Variants in NEBL observed in about 807,000 individuals in gnomAD.
The protein encoded by NEBL is nebulette, also known as LIM and SH3 protein 2.
Under a neutral mutation model 140.2 loss-of-function variants are expected in NEBL, and 122 were observed. The ratio of observed to expected loss-of-function variants is 0.87; its 90% CI spans 0.75 to 1.01. NEBL has a LOEUF of 1.01. NEBL is among the 50% of genes least tolerant of loss of function. The probability of loss-of-function intolerance (pLI) is 0.00; values close to 1 mark genes in which losing one functional copy is unlikely to be tolerated. For synonymous variants in NEBL, 436 were observed against 398.9 expected (o/e 1.09, Z -1.11); for missense variants, 1,365 against 1,231.3 (o/e 1.11, Z -1.62).
intron 4 of NEBL, among the ~76,000 whole-genome samples, chr10:20,924,419 A>G: frequency 6.7e-6 from 1 of 148,338 alleles, no homozygotes; most frequent in East Asian, 1.9e-4. Context: ...GAAGTAAAAA[A>G]AAAAAAAAAA....
chr10:20,799,768 T>C (rs1295141910), intron 26 of NEBL, among the ~76,000 whole-genome samples: 2 of 152,228 alleles, frequency 1.3e-5, no homozygotes, highest in African/African-American at 4.8e-5. Flanking sequence ...AAGTTTATTT[T>C]AAATGAAGAT....
chr10:21,259,839 G>C lies in NEBL; in HGVS notation n.183-8011C>G, dbSNP rs573664741. 2.0e-5 allele frequency among the ~76,000 whole-genome samples: 3 copies of C among 152,272 alleles called. No individual in the cohort carries two copies. In the East Asian group the frequency reaches 5.8e-4, roughly 29 times the overall value. On this transcript the variant is annotated intron_variant and non_coding_transcript_variant, in intron 1 of 8. Coordinates refer to the NEBL transcript ENST00000675702. ...TGCAAGCGTCTTCCTAGAGGGCAGG[G>C]GGGTGGATCTAAGGTGGAACAGGAA...
chr10:21,043,685 T>C (rs1183710040), intron 2 of NEBL, among the ~76,000 whole-genome samples: 1 of 152,174 alleles, frequency 6.6e-6, no homozygotes, highest in Non-Finnish European at 1.5e-5. Context: ...ACGTTGTAAC[T>C]GTCACTCCCC....
At chr10:20,833,495 TG>T (rs776254088) in intron 14 of NEBL, among the ~76,000 whole-genome samples, 177 of 152,116 alleles carry the variant, frequency 1.2e-3, no homozygotes, top group Non-Finnish European at 2.1e-3. Flanking sequence ...TATTATTATT[TG>T]GGGGGTTTTT....
intron 6 of NEBL, 93 bp from the exon 7 acceptor site, chr10:20,868,858 T>G (rs1282051297): frequency 3.6e-6 from 3 of 822,750 alleles, no homozygotes; most frequent in Non-Finnish European, 6.2e-6. Context: ...ATAACAGACC[T>G]TCATCTCATT....
At chr10:21,041,051 A>T (rs1050185292) in intron 2 of NEBL, among the ~76,000 whole-genome samples, 9 of 152,192 alleles carry the variant, frequency 5.9e-5, no homozygotes, top group African/African-American at 1.9e-4. Flanking sequence ...TAAAGAACTA[A>T]CACACTTTCC....
chr10:20,955,904 CTT>C (rs1420233338), intron 4 of NEBL, among the ~76,000 whole-genome samples: 1 of 143,194 alleles, frequency 7.0e-6, no homozygotes, highest in Non-Finnish European at 1.5e-5. Flanking sequence ...TCCCTCATCT[CTT>C]GTTTCAAAAA....
chr10:20,870,895 T>A (rs1216897022), intron 5 of NEBL, among the ~76,000 whole-genome samples: 1 of 152,200 alleles, frequency 6.6e-6, no homozygotes, highest in African/African-American at 2.4e-5. Flanking sequence ...GACTGACAAT[T>A]GGAAAGAGAG....
intron 3 of NEBL, chr10:20,961,809 C>G (rs761555700): frequency 4.5e-6 from 7 of 1,538,896 alleles, no homozygotes; most frequent in African/African-American, 1.4e-5. Flanking sequence ...GAAAAGTGAA[C>G]AGAGGGATCA....
In NEBL at chr10:20,962,827, A is replaced by T. The variant is rs1439509361; in HGVS notation, c.250-1048T>A. On this transcript the variant is annotated intron_variant, in intron 3 of 6. Coordinates refer to the NEBL transcript ENST00000417816. ...TAAGTTAATTTAGGGTTGCCTATTC[A>T]ATATGATTGTTAGTGTAGTGTAGTC... 2.0e-5 allele frequency among the ~76,000 whole-genome samples: 3 copies of T among 152,188 alleles called. No homozygotes were observed. In the South Asian group the frequency reaches 6.2e-4, roughly 31 times the overall value.
intron 2 of NEBL, among the ~76,000 whole-genome samples, chr10:21,100,923 T>G (rs549401345): frequency 6.6e-6 from 1 of 152,312 alleles, no homozygotes; most frequent in South Asian, 2.1e-4. Context: ...TGTAACAGTT[T>G]TTGTTTCTTT....
intron 1 of NEBL, among the ~76,000 whole-genome samples, chr10:21,290,879 G>A (rs563110646): frequency 2.0e-5 from 3 of 152,144 alleles, no homozygotes; most frequent in African/African-American, 4.8e-5. Context: ...TCATAGTTTT[G>A]CACGGCTCCC....
At chr10:21,289,858 ATGCTT>A (rs1843119360) in intron 1 of NEBL, among the ~76,000 whole-genome samples, 1 of 152,200 alleles carries the variant, frequency 6.6e-6, no homozygotes, top group African/African-American at 2.4e-5. Flanking sequence ...TCCATTGAAG[ATGCTT>A]ATTCACTTGC....
Position 21,104,140 on chromosome 10 carries a change from T to C in NEBL, c.164+68243A>G, listed in dbSNP as rs566270159. ...TGTATATCTTCTACCTGTATGATAT[T>C]ACCACACTGTCCTGATTACCAGAGC... On this transcript the variant is annotated intron_variant, in intron 2 of 6. Coordinates refer to the NEBL transcript ENST00000417816. 6.6e-5 allele frequency among the ~76,000 whole-genome samples: 10 copies of C among 152,328 alleles called. No homozygotes were observed. In the East Asian group the frequency reaches 1.9e-3, roughly 29 times the overall value.
intron 2 of NEBL, among the ~76,000 whole-genome samples, chr10:21,162,598 G>T (rs971622807): frequency 1.3e-5 from 2 of 152,162 alleles, no homozygotes; most frequent in African/African-American, 4.8e-5. Flanking sequence ...GCTCTTGCAG[G>T]CTGACTTGAC....
intron 3 of NEBL, chr10:21,020,067 G>T: frequency 1.4e-6 from 2 of 1,477,852 alleles, no homozygotes; most frequent in Non-Finnish European, 1.9e-6. Context: ...GAGCAGCCTT[G>T]TGAAAAATCT....
At chr10:20,873,252 T>C (rs544149737) in intron 5 of NEBL, among the ~76,000 whole-genome samples, 38 of 152,312 alleles carry the variant, frequency 2.5e-4, no homozygotes, top group Non-Finnish European at 4.7e-4. Context: ...CCCTAAATGC[T>C]AACCATATTG....
At position 21,199,720 on chromosome 10, in the gene NEBL, C is replaced by T. The variant is rs182892455; in HGVS notation, n.349-27243G>A. 6.6e-4 allele frequency among the ~76,000 whole-genome samples: 100 copies of T among 152,300 alleles called. 1 individual carries two copies. The highest frequency in any genetic ancestry group is 2.3e-3 in the African/African-American group (95 of 41,564). ...GCTGGGGACATTGGCAGCTAAGGCT[C>T]ACTGGTGAGTCCCTCTCCAGAAGTC... On this transcript the variant is annotated intron_variant and non_coding_transcript_variant, in intron 3 of 8. Coordinates refer to the NEBL transcript ENST00000675702.
chr10:21,269,940 C>T (rs1842842466), intron 1 of NEBL, among the ~76,000 whole-genome samples: 1 of 152,196 alleles, frequency 6.6e-6, no homozygotes, highest in African/African-American at 2.4e-5. Flanking sequence ...CGGAATTAAC[C>T]TGAAAGAAAT....
Sources: allele counts gnomAD v4.1 joint callset (sites outside exome capture counted in the v4.1 genomes callset), GRCh38; gene constraint gnomAD v4.1.1; transcripts MANE v1.5; gene names NCBI Gene and HGNC (gene_info 2026-07-23, HGNC 2026-07-21).